Variants in HMOX1 observed in about 807,000 individuals in gnomAD.
The protein encoded by HMOX1 is heat shock protein, 32-kD.
In HMOX1, 22 loss-of-function variants were observed where a neutral mutation model predicts 27.8. The ratio of observed to expected loss-of-function variants is 0.79; its 90% CI spans 0.57 to 1.13. The LOEUF (loss-of-function observed/expected upper bound fraction) is 1.13. HMOX1 is among the 50% of genes most tolerant of loss of function. The probability of loss-of-function intolerance (pLI) is 0.00; values close to 1 mark genes in which losing one functional copy is unlikely to be tolerated. For missense variants in HMOX1, 379 were observed against 377.7 expected (o/e 1.00, Z -0.03); for synonymous variants, 153 against 151.6 (o/e 1.01, Z -0.07).
intron 4 of HMOX1, among the ~76,000 whole-genome samples, chr22:35,393,128 G>A (rs2145773137): frequency 6.6e-6 from 1 of 152,352 alleles, no homozygotes; most frequent in South Asian, 2.1e-4. Flanking sequence ...GTGAGTTTGA[G>A]AGGAAGATTT....
At chr22:35,384,532 G>A (rs1931462067) in intron 2 of HMOX1, among the ~76,000 whole-genome samples, 4 of 152,160 alleles carry the variant, frequency 2.6e-5, no homozygotes, top group African/African-American at 2.4e-5. Context: ...GACAGTGGGT[G>A]CAGGGAGGTG....
Sources: allele counts gnomAD v4.1 joint callset (sites outside exome capture counted in the v4.1 genomes callset), GRCh38; gene constraint gnomAD v4.1.1; transcripts MANE v1.5; gene names NCBI Gene and HGNC (gene_info 2026-07-23, HGNC 2026-07-21).